Variants in ZNF121 observed in about 807,000 individuals in gnomAD.
ZNF121 encodes the protein zinc finger protein 121.
A neutral mutation model predicts 2.4 loss-of-function variants in ZNF121; 1 was observed. The ratio of observed to expected loss-of-function variants is 0.41; its 90% CI spans 0.15 to 1.94. ZNF121 has a LOEUF of 1.94. Among genes scored for constraint, ZNF121 ranks in the 30% most tolerant of loss-of-function variants. The pLI is 0.30. For synonymous variants in ZNF121, 173 were observed against 158.6 expected (o/e 1.09, Z -0.68); for missense variants, 369 against 466.3 (o/e 0.79, Z 1.92).
At chr19:9,578,104 C>T (rs2074224542) in intron 1 of ZNF121, among the ~76,000 whole-genome samples, 1 of 151,108 alleles carries the variant, frequency 6.6e-6, no homozygotes, top group Non-Finnish European at 1.5e-5. Context: ...TGCCTGTAGT[C>T]CCAGCTACTC....
Position 9,575,372 on chromosome 19 carries a change from G to A in ZNF121, c.-159-6290C>T, listed in dbSNP as rs140885474. Among the ~76,000 whole-genome samples the A allele has an allele frequency of 7.2e-4, 110 of 152,258 alleles. 1 individual carries two copies. The highest frequency in any genetic ancestry group is 3.4e-3 in the Middle Eastern group (1 of 294). ...CAGGAAGCGGAGGTTGCAGTTAGCC[G>A]ATATTGTGCCACTGTACTCCAGCCT... On this transcript the variant is annotated intron_variant, in intron 1 of 3. Coordinates refer to ENST00000320451, the MANE Select transcript of ZNF121 (RefSeq NM_001008727.5).
At chr19:9,576,745 A>G (rs1157532687) in intron 1 of ZNF121, among the ~76,000 whole-genome samples, 2 of 152,146 alleles carry the variant, frequency 1.3e-5, no homozygotes, top group African/African-American at 4.8e-5. Flanking sequence ...GGGGAAAAAA[A>G]GGACCCAAAT....
intron 1 of ZNF121, among the ~76,000 whole-genome samples, chr19:9,569,838 C>CTTTTTT (rs752091749): frequency 4.2e-5 from 5 of 117,666 alleles, no homozygotes; most frequent in South Asian, 2.8e-4. Flanking sequence ...TGGCCGAGAT[C>CTTTTTT]TTTTTTTTTT....
rs901818030 is a variant in ZNF121 at position 9,574,143 on chromosome 19, A to C, written c.-159-5061T>G. ...TTTATTTCTTTAGCAAGGCCATTTT[A>C]ATTTATTTATACATTTTTTTGAGAC... On this transcript the variant is annotated intron_variant, in intron 1 of 3. Transcript: ENST00000320451. Among the ~76,000 whole-genome samples, 3 of 148,734 alleles carry C rather than the reference A, an allele frequency of 2.0e-5. No homozygotes were observed. The Admixed American group carries it at 2.0e-4, about 10-fold the overall frequency.
intron 1 of ZNF121, among the ~76,000 whole-genome samples, chr19:9,571,601 T>A (rs931766700): frequency 2.6e-5 from 4 of 152,156 alleles, no homozygotes; most frequent in Non-Finnish European, 5.9e-5. Context: ...ACAATGTATC[T>A]TCATAACATT....
At chr19:9,574,983 G>A (rs1161695614) in intron 1 of ZNF121, among the ~76,000 whole-genome samples, 1 of 152,090 alleles carries the variant, frequency 6.6e-6, no homozygotes, top group Non-Finnish European at 1.5e-5. Flanking sequence ...CAACCAAGTT[G>A]CCCAGGCTGG....
chr19:9,579,973 G>C (rs1031822818), intron 1 of ZNF121, among the ~76,000 whole-genome samples: 23 of 152,076 alleles, frequency 1.5e-4, no homozygotes, highest in African/African-American at 5.5e-4. Flanking sequence ...GGAGATTCTG[G>C]GGCCACCATG....
chr19:9,573,771 C>CAT (rs34425831), intron 1 of ZNF121, among the ~76,000 whole-genome samples: 26,261 of 152,076 alleles, frequency 0.17, 3,577 homozygotes, highest in African/African-American at 0.38. Flanking sequence ...AAGCAAATAA[C>CAT]ATGAAGGACT....
At chr19:9,568,974 AT>A (rs1271668911) in intron 2 of ZNF121, 27 bp downstream of exon 2, 1 of 152,958 alleles carries the variant, frequency 6.5e-6, no homozygotes, top group Non-Finnish European at 1.5e-5. Context: ...TGAACTTCTC[AT>A]TGACCAGGAG....
At chr19:9,571,448 C>A (rs1198500203) in intron 1 of ZNF121, among the ~76,000 whole-genome samples, 3 of 152,186 alleles carry the variant, frequency 2.0e-5, no homozygotes, top group Admixed American at 2.0e-4. Context: ...CAATTACCGC[C>A]ATTTTTCAAA....
rs1391251600 is a variant in ZNF121, at chr19:9,562,794, G to C, written c.*3146C>G. 6.7e-6 allele frequency: 1 copy of C among 149,170 alleles called. No individual in the cohort carries two copies. Among genetic ancestry groups the C allele is most frequent in the East Asian group, 2.0e-4 (1 of 5,006 alleles). The allele number at this position is 149,170 out of a possible 1,614,324, so 9.2% of individuals were successfully genotyped here. A position where few individuals can be genotyped will look rare whatever the true frequency, so the allele number is the denominator to read the frequency against. On this transcript the variant is annotated 3_prime_UTR_variant, in exon 4 of 4. Coordinates refer to ENST00000320451, the MANE Select transcript of ZNF121 (RefSeq NM_001008727.5). ...GAGCCAGGTGCAGTGGCTCACACCT[G>C]TAATCCCAGAGTGTTGGGAGGCAGA...
intron 1 of ZNF121, among the ~76,000 whole-genome samples, chr19:9,570,899 C>T (rs528651271): frequency 1.2e-3 from 179 of 152,192 alleles, no homozygotes; most frequent in African/African-American, 4.1e-3. Flanking sequence ...TGCTTTCAAT[C>T]GAGATGAAGG....
At position 9,566,111 on chromosome 19, in the gene ZNF121, G is replaced by T. The variant is rs2074130021; in HGVS notation, c.1002C>A (p.His334Gln). The T allele has an allele frequency of 1.9e-6, 3 of 1,613,974 alleles. No homozygotes were observed. Among genetic ancestry groups the T allele is most frequent in the East Asian group, 2.2e-5 (1 of 44,842 alleles). Reference sequence around the variant, plus strand: ...TACATATATACGGTTTCTCTCCAGTGTGAGTTCTTATATGTTCAATGAGTT... The same window carrying T: ...TACATATATACGGTTTCTCTCCAGTTTGAGTTCTTATATGTTCAATGAGTT... ...SSQLIEHIRT[H>Q]TGEKPYICKE... Residue 334 changes from histidine (H) to glutamine (Q), a missense_variant, in exon 4 of 4, where the codon CAC becomes CAA. His to Gln is a conservative substitution (Grantham distance 24). Transcript: ENST00000320451.
chr19:9,566,847 T>G lies in ZNF121; in HGVS notation c.266A>C (p.Glu89Ala), dbSNP rs200893734. Reference sequence around the variant, plus strand: ...AAAGGCTTCCTCACAGTCACTGTATTCAAAGGATTTGTCTCCTATCCACGT... The same window carrying G: ...AAAGGCTTCCTCACAGTCACTGTATGCAAAGGATTTGTCTCCTATCCACGT... ...QRTWIGDKSF[E>A]YSDCEEAFVD... The change falls in exon 4 of 4, where the codon GAA (glutamate) becomes GCA (alanine). Residue 89 changes from glutamate (E) to alanine (A), a missense_variant. By Grantham distance (107) the Glu-to-Ala change is moderately radical. Coordinates refer to ENST00000320451, the MANE Select transcript of ZNF121 (RefSeq NM_001008727.5). The G allele has an allele frequency of 9.5e-5, 153 of 1,614,104 alleles. 1 individual carries two copies. In the Middle Eastern group the frequency reaches 2.0e-3, roughly 21 times the overall value.
rs868188395 is a variant in ZNF121 at position 9,566,715 on chromosome 19, A to T, written c.398T>A (p.Val133Glu). Residue 133 changes from valine to glutamate, a missense_variant, in exon 4 of 4, where the codon GTG (valine) becomes GAG (glutamate). Coordinates refer to ENST00000320451, the MANE Select transcript of ZNF121 (RefSeq NM_001008727.5). ...TTCTACAGTATGCATTTTAACAGAC[A>T]CAGCATGGCTTGTGGAGTAAGTAAA... is the stretch of plus-strand genomic sequence containing the variant. The part of the protein sequence containing the change: ...RAFTYSTSHA[V>E]SVKMHTVEKP... 5.6e-6 allele frequency: 9 copies of T among 1,614,104 alleles called. No homozygotes were observed. The highest frequency in any genetic ancestry group is 1.6e-4 in the Middle Eastern group (1 of 6,084).
intron 3 of ZNF121, 147 bp downstream of exon 3, chr19:9,567,948 C>T: frequency 1.2e-6 from 1 of 840,012 alleles, no homozygotes; most frequent in East Asian, 2.8e-5. Flanking sequence ...CTAACAGAAA[C>T]AGTACCAGTG....
intron 1 of ZNF121, among the ~76,000 whole-genome samples, chr19:9,574,219 C>G (rs2074194400): frequency 6.6e-6 from 1 of 152,036 alleles, no homozygotes; most frequent in South Asian, 2.1e-4. Flanking sequence ...GATCTCGGCT[C>G]ACTGCAACCT....
At chr19:9,571,555 A>T (rs1001361484) in intron 1 of ZNF121, among the ~76,000 whole-genome samples, 3 of 152,166 alleles carry the variant, frequency 2.0e-5, no homozygotes, top group African/African-American at 7.2e-5. Context: ...AATTTGAAAA[A>T]AACAAGACTT....
At chr19:9,576,643 T>C (rs777968587) in intron 1 of ZNF121, among the ~76,000 whole-genome samples, 1 of 150,652 alleles carries the variant, frequency 6.6e-6, no homozygotes, top group South Asian at 2.1e-4. Flanking sequence ...ATAAACAAAA[T>C]TGAGAATAAA....
Sources: allele counts gnomAD v4.1 joint callset (sites outside exome capture counted in the v4.1 genomes callset), GRCh38; gene constraint gnomAD v4.1.1; transcripts MANE v1.5; gene names NCBI Gene and HGNC (gene_info 2026-07-23, HGNC 2026-07-21).